Variants in SMCHD1 observed in about 807,000 individuals in gnomAD.
The protein encoded by SMCHD1 is structural maintenance of chromosomes flexible hinge domain-containing protein 1.
SMCHD1 carries 78 observed loss-of-function variants against 254.7 expected under a neutral mutation model. The ratio of observed to expected loss-of-function variants is 0.31; its 90% CI spans 0.26 to 0.37. The LOEUF (loss-of-function observed/expected upper bound fraction) is 0.37, where lower values mean the gene tolerates loss of function less well. Among genes scored for constraint, SMCHD1 ranks in the 10% least tolerant of loss-of-function variants. SMCHD1 has a pLI of 1.00. For missense variants in SMCHD1, 1,840 were observed against 2,408.1 expected (o/e 0.76, Z 4.94); for synonymous variants, 766 against 794.9 (o/e 0.96, Z 0.61).
intron 45 of SMCHD1, among the ~76,000 whole-genome samples, chr18:2,789,243 T>C (rs972655077): frequency 6.6e-6 from 1 of 151,742 alleles, no homozygotes; most frequent in Non-Finnish European, 1.5e-5. Flanking sequence ...GGTTTTGCCA[T>C]GTTGCTTAGC....
At position 2,707,783 on chromosome 18, in the gene SMCHD1, A is replaced by T. The variant is rs377457869; in HGVS notation, c.2147-24A>T. ...CAGCAAATTTTTGGGTGTAATTAAG[A>T]TACTTTTAATTTTTGACTCATAGGT... On this transcript the variant is annotated intron_variant, in intron 16 of 47. Coordinates refer to ENST00000320876, the MANE Select transcript of SMCHD1 (RefSeq NM_015295.3). 3.4e-4 allele frequency: 540 copies of T among 1,573,288 alleles called. 1 individual carries two copies. The highest frequency in any genetic ancestry group is 4.5e-4 in the Non-Finnish European group (519 of 1,157,720).
At position 2,707,623 on chromosome 18, in the gene SMCHD1, T is replaced by C; in HGVS notation, c.2124T>C (p.Val708=). 6.2e-7 allele frequency: 1 copy of C among 1,605,482 alleles called. No individual in the cohort carries two copies. Among genetic ancestry groups the C allele is most frequent in the South Asian group, 1.1e-5 (1 of 89,778 alleles). ...GAGATGAATTATTGCCTAATGAGGT[T>C]AGGCCTGCTGGAACCCCTATTGGTA... ...PEGDELLPNE[V]RPAGTPIGAL... Residue 708 remains valine, a synonymous_variant, in exon 16 of 48, where the codon GTT becomes GTC. Transcript: ENST00000320876.
In SMCHD1 at chr18:2,707,895, G is replaced by A. The variant is rs767869106; in HGVS notation, c.2235G>A (p.Leu745=). 5.0e-6 allele frequency: 8 copies of A among 1,600,808 alleles called. No homozygotes were observed. The highest frequency in any genetic ancestry group is 2.2e-5 in the East Asian group (1 of 44,728). ...GCCATGGAGGGTCAAAGAAACTCCT[G>A]GTTGAGCTCAAAGTTATTTTACATT... is the stretch of plus-strand genomic sequence containing the variant. ...GTSHGGSKKL[L]VELKVILHSS... The change falls in exon 17 of 48, where the codon CTG becomes CTA. Residue 745 remains leucine (L), a synonymous_variant. Coordinates refer to ENST00000320876, the MANE Select transcript of SMCHD1 (RefSeq NM_015295.3).
In SMCHD1 at chr18:2,755,703, G is replaced by A. The variant is rs371677840; in HGVS notation, c.4346+3151G>A. ...CTGCCTCAGCCTCCGGAGTAGCTGG[G>A]ACTATAGGCACCTGCCACCACGCCC... On this transcript the variant is annotated intron_variant, in intron 34 of 47. Coordinates refer to ENST00000320876, the MANE Select transcript of SMCHD1 (RefSeq NM_015295.3). Among the ~76,000 whole-genome samples, 7 of 151,508 alleles carry A rather than the reference G, an allele frequency of 4.6e-5. 1 individual carries two copies. In the East Asian group the frequency reaches 1.2e-3, roughly 25 times the overall value.
intron 5 of SMCHD1, among the ~76,000 whole-genome samples, chr18:2,687,151 A>G (rs1354169440): frequency 1.3e-5 from 2 of 152,186 alleles, no homozygotes; most frequent in Non-Finnish European, 2.9e-5. Flanking sequence ...AGGTATTTAA[A>G]GTGTGACTTT....
intron 35 of SMCHD1, among the ~76,000 whole-genome samples, chr18:2,761,082 A>G (rs2075774885): frequency 6.6e-6 from 1 of 152,238 alleles, no homozygotes; most frequent in South Asian, 2.1e-4. Context: ...ACACAGCCAT[A>G]ACAAGAGAAC....
Position 2,792,091 on chromosome 18 carries a change from A to G in SMCHD1, c.5720-3858A>G, listed in dbSNP as rs752490952. Among the ~76,000 whole-genome samples the G allele has an allele frequency of 2.0e-5, 3 of 152,224 alleles. No individual in the cohort carries two copies. The South Asian group carries it at 6.2e-4, about 32-fold the overall frequency. On this transcript the variant is annotated intron_variant, in intron 45 of 47. Coordinates refer to ENST00000320876, the MANE Select transcript of SMCHD1 (RefSeq NM_015295.3). ...TTATTTGCTCCTTTAAACTTTACCAATAAAGTACAAAAAGAGTTCATAGAG... is the reference window on the plus strand; with the variant it reads ...TTATTTGCTCCTTTAAACTTTACCAGTAAAGTACAAAAAGAGTTCATAGAG...
chr18:2,691,891 G>A (rs964206435), intron 7 of SMCHD1: 5 of 152,278 alleles, frequency 3.3e-5, no homozygotes, highest in African/African-American at 1.2e-4. Context: ...CTGGAAAACA[G>A]AGTTTCTGGC....
chr18:2,712,272 G>T (rs2074696179), intron 17 of SMCHD1, among the ~76,000 whole-genome samples: 1 of 147,516 alleles, frequency 6.8e-6, no homozygotes, highest in Non-Finnish European at 1.5e-5. Context: ...TTTGGTATCA[G>T]ATAATGTTGA....
intron 44 of SMCHD1, among the ~76,000 whole-genome samples, chr18:2,781,008 C>CTAA (rs1403542573): frequency 6.6e-6 from 1 of 152,216 alleles, no homozygotes; most frequent in Non-Finnish European, 1.5e-5. Context: ...AAACAGAACA[C>CTAA]TAATGCCAGA....
intron 5 of SMCHD1, among the ~76,000 whole-genome samples, chr18:2,682,319 T>C (rs1263699846): frequency 6.6e-6 from 1 of 151,818 alleles, no homozygotes; most frequent in African/African-American, 2.4e-5. Flanking sequence ...TTCTTCTTTT[T>C]TTTTTTTTTT....
intron 13 of SMCHD1, among the ~76,000 whole-genome samples, chr18:2,705,348 G>C (rs889774461): frequency 6.6e-6 from 1 of 152,092 alleles, no homozygotes; most frequent in African/African-American, 2.4e-5. Context: ...ATAAATTGCT[G>C]TTCATCATCT....
chr18:2,781,658 TAAGAA>T (rs754267930), intron 44 of SMCHD1, among the ~76,000 whole-genome samples: 2 of 151,878 alleles, frequency 1.3e-5, no homozygotes, highest in African/African-American at 2.4e-5. Flanking sequence ...GTGTTGAAAA[TAAGAA>T]AAGAATAAGT....
intron 17 of SMCHD1, among the ~76,000 whole-genome samples, chr18:2,708,617 CTT>C (rs71159004): frequency 0.2 from 28,122 of 142,588 alleles, 2,958 homozygotes; most frequent in South Asian, 0.28. Flanking sequence ...GACCTTCCTG[CTT>C]TTTTTTTTTT....
intron 37 of SMCHD1, 24 bp from the exon 38 acceptor site, chr18:2,769,670 C>T (rs2143734028): frequency 1.3e-6 from 2 of 1,575,588 alleles, no homozygotes; most frequent in East Asian, 2.3e-5. Context: ...CTTGTTTTCC[C>T]CTATTGTTTG....
chr18:2,758,785 G>A (rs775444034), intron 34 of SMCHD1, among the ~76,000 whole-genome samples: 2 of 151,986 alleles, frequency 1.3e-5, no homozygotes, highest in Admixed American at 1.3e-4. Context: ...TTATTTTGTG[G>A]TTGGTTCCTC....
chr18:2,743,795 A>G lies in SMCHD1; in HGVS notation c.3668A>G (p.Lys1223Arg). ...CAGAGTATAAGTGTAAGAGGCATCAAATTTATTCCAGGTCCTCCTGGAAAT... is the reference window on the plus strand; with the variant it reads ...CAGAGTATAAGTGTAAGAGGCATCAGATTTATTCCAGGTCCTCCTGGAAAT... ...NTQSISVRGI[K>R]FIPGPPGNKD... Residue 1223 changes from lysine (K) to arginine (R), a missense_variant, in exon 29 of 48, where the codon AAA (lysine) becomes AGA (arginine). Lys to Arg is a conservative substitution (Grantham distance 26). Transcript: ENST00000320876. 1 of 1,613,078 alleles carries G rather than the reference A, an allele frequency of 6.2e-7. No homozygotes were observed. Among genetic ancestry groups the G allele is most frequent in the Non-Finnish European group, 8.5e-7 (1 of 1,179,446 alleles).
At chr18:2,785,670 A>AAAAAAAAAAAAAAAAAAG (rs57180698) in intron 45 of SMCHD1, among the ~76,000 whole-genome samples, 1 of 97,932 alleles carries the variant, frequency 1.0e-5, no homozygotes, top group Non-Finnish European at 1.9e-5. Context: ...AAAAAAAAAA[A>AAAAAAAAAAAAAAAAAAG]ACAGTTCATT....
chr18:2,707,441 C>A, intron 15 of SMCHD1, 122 bp from the exon 16 acceptor site: 1 of 522,826 alleles, frequency 1.9e-6, no homozygotes, highest in Non-Finnish European at 3.2e-6. Flanking sequence ...TAAAGAATTC[C>A]AGATTTAACC....
Sources: gnomAD v4.1 joint callset for allele counts (sites outside exome capture counted in the v4.1 genomes callset) on GRCh38, gnomAD v4.1.1 for gene constraint, MANE v1.5 for transcripts, NCBI Gene and HGNC (gene_info 2026-07-23, HGNC 2026-07-21) for gene names.